Variants in PLCE1 observed in about 807,000 individuals in gnomAD.
PLCE1 encodes the protein 1-phosphatidylinositol 4,5-bisphosphate phosphodiesterase epsilon-1.
Under a neutral mutation model 242.8 loss-of-function variants are expected in PLCE1, and 119 were observed. The ratio of observed to expected loss-of-function variants is 0.49; its 90% CI spans 0.42 to 0.57. PLCE1 has a LOEUF of 0.57. Among genes scored for constraint, PLCE1 ranks in the 20% least tolerant of loss-of-function variants. The pLI, the probability that PLCE1 is intolerant of heterozygous loss-of-function variation, is 0.00. For synonymous variants in PLCE1, 945 were observed against 1,017.4 expected (o/e 0.93, Z 1.35); for missense variants, 2,441 against 2,788.8 (o/e 0.88, Z 2.81).
intron 4 of PLCE1, among the ~76,000 whole-genome samples, chr10:94,181,952 T>G (rs904912348): frequency 6.6e-6 from 1 of 152,068 alleles, no homozygotes; most frequent in Non-Finnish European, 1.5e-5. Flanking sequence ...AAAACATAAC[T>G]TCACGAGATA....
chr10:94,069,825 G>A (rs921220577), intron 2 of PLCE1, among the ~76,000 whole-genome samples: 9 of 152,152 alleles, frequency 5.9e-5, no homozygotes, highest in African/African-American at 2.2e-4. Context: ...CAAACAGAGG[G>A]TGGTCAGGAT....
intron 1 of PLCE1, among the ~76,000 whole-genome samples, chr10:94,016,282 C>G (rs894642447): frequency 2.6e-5 from 4 of 151,886 alleles, no homozygotes; most frequent in African/African-American, 9.7e-5. Flanking sequence ...TGTCCCTTAT[C>G]TGAAATACTT....
intron 3 of PLCE1, among the ~76,000 whole-genome samples, chr10:94,144,616 G>T (rs1207834765): frequency 1.3e-5 from 2 of 152,214 alleles, no homozygotes; most frequent in African/African-American, 4.8e-5. Context: ...CTCTGCAAAA[G>T]AAGCCATTGA....
chr10:94,189,696 GAA>G lies in PLCE1; in HGVS notation c.1809+18202_1809+18203del, dbSNP rs1353131289. ...AAAAATGGCTCCCAGATGCCTAGAA[GAA>G]AGAGTCCCAGTAATTCAGTGACTGT... is the stretch of plus-strand genomic sequence containing the variant. On this transcript the variant is annotated intron_variant, in intron 4 of 32. Coordinates refer to ENST00000371380, the MANE Select transcript of PLCE1 (RefSeq NM_016341.4). 2.0e-5 allele frequency among the ~76,000 whole-genome samples: 3 copies of G among 152,178 alleles called. No homozygotes were observed. The East Asian group carries it at 5.8e-4, about 29-fold the overall frequency.
intron 2 of PLCE1, among the ~76,000 whole-genome samples, chr10:94,045,914 C>T (rs2061873464): frequency 6.6e-6 from 1 of 151,434 alleles, no homozygotes; most frequent in Non-Finnish European, 1.5e-5. Context: ...TCCTGGCTAA[C>T]ATGGTGAAAC....
intron 4 of PLCE1, among the ~76,000 whole-genome samples, chr10:94,226,046 A>G (rs1320822391): frequency 1.3e-5 from 2 of 152,244 alleles, no homozygotes; most frequent in South Asian, 2.1e-4. Flanking sequence ...AACCAAGCTT[A>G]TCAACCCAGA....
At position 94,236,050 on chromosome 10, in the gene PLCE1, G is replaced by A; in HGVS notation, c.2350G>A (p.Asp784Asn). 6.2e-7 allele frequency: 1 copy of A among 1,614,088 alleles called. No individual in the cohort carries two copies. The highest frequency in any genetic ancestry group is 1.1e-5 in the South Asian group (1 of 91,082). Reference protein sequence around the residue: ...IRSCNRSLETDEEDSPSEGNS... With the variant: ...IRSCNRSLETNEEDSPSEGNS... ...GAGCTGCAATCGAAGTCTGGAGACA[G>A]ACGAGGAGGACAGCCCCAGTGAAGG... The change falls in exon 7 of 33, where the codon GAC becomes AAC. Residue 784 changes from aspartate (D) to asparagine (N), a missense_variant. Around this residue, in one of 5 missense-constraint regions of PLCE1, gnomAD observed 733 missense variants for 754.2 expected, o/e 0.97. Transcript: ENST00000371380.
At chr10:94,274,307 A>T (rs1271811872) in intron 19 of PLCE1, among the ~76,000 whole-genome samples, 2 of 152,180 alleles carry the variant, frequency 1.3e-5, no homozygotes, top group Non-Finnish European at 2.9e-5. Context: ...ACAGCTGACA[A>T]AACTATTTGT....
intron 23 of PLCE1, among the ~76,000 whole-genome samples, chr10:94,294,125 T>A (rs1356251056): frequency 6.6e-6 from 1 of 152,016 alleles, no homozygotes; most frequent in Non-Finnish European, 1.5e-5. Flanking sequence ...ATTAAAAAAT[T>A]AAAAAATAAA....
In PLCE1 at chr10:94,201,898, T is replaced by TG. The variant is rs199960629; in HGVS notation, c.1810-25403dup. Among the ~76,000 whole-genome samples, 111 of 152,310 alleles carry TG rather than the reference T, an allele frequency of 7.3e-4. 2 individuals are homozygous for TG. The East Asian group carries it at 0.018, about 25-fold the overall frequency. ...CCCAGTGAAAAAGATGACCATATTT[T>TG]GGGGGCATTTCCTTTCTAAGACTTA... On this transcript the variant is annotated intron_variant, in intron 4 of 32. Coordinates refer to ENST00000371380, the MANE Select transcript of PLCE1 (RefSeq NM_016341.4).
At chr10:94,018,165 G>A (rs113269604) in intron 1 of PLCE1, among the ~76,000 whole-genome samples, 3,104 of 152,250 alleles carry the variant, frequency 0.02, 108 homozygotes, top group African/African-American at 0.067. Flanking sequence ...TATAATACGA[G>A]CTTGAGTTAA....
Position 94,197,418 on chromosome 10 carries a change from G to A in PLCE1, c.1809+25922G>A, listed in dbSNP as rs1030860685. ...TGAGGAATTGCCAAACTGCTCCAAA[G>A]TGTCTGCACCATTTGACATTCCCAC... is the stretch of plus-strand genomic sequence containing the variant. On this transcript the variant is annotated intron_variant, in intron 4 of 32. Coordinates refer to ENST00000371380, the MANE Select transcript of PLCE1 (RefSeq NM_016341.4). Among the ~76,000 whole-genome samples the A allele has an allele frequency of 2.6e-5, 4 of 152,272 alleles. No homozygotes were observed. In the South Asian group the frequency reaches 6.2e-4, roughly 24 times the overall value.
At chr10:94,260,740 G>A (rs1031724149) in intron 13 of PLCE1, among the ~76,000 whole-genome samples, 2 of 151,616 alleles carry the variant, frequency 1.3e-5, no homozygotes, top group African/African-American at 4.8e-5. Flanking sequence ...TGTTGACCAG[G>A]CTGCTCTCAA....
At chr10:94,237,878 A>G (rs1180505460) in intron 7 of PLCE1, among the ~76,000 whole-genome samples, 1 of 152,202 alleles carries the variant, frequency 6.6e-6, no homozygotes, top group African/African-American at 2.4e-5. Context: ...TGAAAAGCCC[A>G]TAGGAACTAT....
intron 2 of PLCE1, chr10:94,081,861 T>C (rs2044662968): frequency 6.6e-6 from 1 of 152,242 alleles, no homozygotes; most frequent in South Asian, 2.1e-4. Flanking sequence ...CTCAGATGAC[T>C]TGGGGGAAAG....
intron 3 of PLCE1, among the ~76,000 whole-genome samples, chr10:94,133,604 CCA>C (rs1269701910): frequency 1.3e-5 from 2 of 152,092 alleles, no homozygotes; most frequent in Non-Finnish European, 2.9e-5. Flanking sequence ...CCATTCCTAC[CCA>C]CACACACACC....
intron 4 of PLCE1, among the ~76,000 whole-genome samples, chr10:94,195,404 C>T (rs1457289777): frequency 6.6e-6 from 1 of 151,982 alleles, no homozygotes; most frequent in Non-Finnish European, 1.5e-5. Flanking sequence ...CAAGCCTTCT[C>T]CAAACAAGAA....
intron 11 of PLCE1, 126 bp downstream of exon 11, chr10:94,255,175 T>G (rs2051028111): frequency 8.5e-7 from 1 of 1,170,920 alleles, no homozygotes; most frequent in Non-Finnish European, 1.2e-6. Flanking sequence ...AACTGAAAAC[T>G]GAAAAATCCC....
At chr10:94,256,812 A>G (rs1430874623) in intron 11 of PLCE1, among the ~76,000 whole-genome samples, 1 of 152,234 alleles carries the variant, frequency 6.6e-6, no homozygotes, top group African/African-American at 2.4e-5. Flanking sequence ...TAAAACAGAA[A>G]GAAAACACAA....
Sources: gnomAD v4.1 joint callset for allele counts (sites outside exome capture counted in the v4.1 genomes callset) on GRCh38, gnomAD v4.1.1 for gene constraint, gnomAD v4.1.1 regional missense constraint, MANE v1.5 for transcripts, NCBI Gene and HGNC (gene_info 2026-07-23, HGNC 2026-07-21) for gene names.